Variants in EPM2A observed in about 807,000 individuals in gnomAD.
EPM2A encodes laforin.
In EPM2A, 21 loss-of-function variants were observed where a neutral mutation model predicts 26.5. The observed-to-expected ratio is 0.79, with a 90% CI of 0.56 to 1.14. The LOEUF (loss-of-function observed/expected upper bound fraction) is 1.14. EPM2A is among the 50% of genes most tolerant of loss of function. The probability of loss-of-function intolerance (pLI) is 0.00; values close to 1 mark genes in which losing one functional copy is unlikely to be tolerated. For synonymous variants in EPM2A, 217 were observed against 177.6 expected, an observed-to-expected ratio of 1.22 and a Z score of -1.76; for missense variants, 458 against 440.8, an observed-to-expected ratio of 1.04 and a Z score of -0.35.
At chr6:145,470,824 T>G (rs916895427) in intron 4 of EPM2A, among the ~76,000 whole-genome samples, 3 of 152,180 alleles carry the variant, frequency 2.0e-5, no homozygotes, top group Admixed American at 2.0e-4. Context: ...TTAGCTACAG[T>G]GAATATCAGC....
intron 1 of EPM2A, among the ~76,000 whole-genome samples, chr6:145,695,815 A>C (rs1356452428): frequency 6.6e-6 from 1 of 152,066 alleles, no homozygotes; most frequent in East Asian, 1.9e-4. Flanking sequence ...CTGAACGGAG[A>C]GATAGACTGA....
At chr6:145,679,179 C>G (rs962954208) in intron 2 of EPM2A, among the ~76,000 whole-genome samples, 1 of 144,470 alleles carries the variant, frequency 6.9e-6, no homozygotes, top group East Asian at 2.1e-4. Flanking sequence ...GTGAACTGCA[C>G]GTTCACATTC....
intron 2 of EPM2A, among the ~76,000 whole-genome samples, chr6:145,685,287 C>T (rs1460888532): frequency 6.6e-6 from 1 of 152,068 alleles, no homozygotes; most frequent in Non-Finnish European, 1.5e-5. Context: ...AAAATCTCTA[C>T]TCTTACAATG....
At chr6:145,524,660 C>T (rs1377315818) in intron 2 of EPM2A, among the ~76,000 whole-genome samples, 1 of 151,766 alleles carries the variant, frequency 6.6e-6, no homozygotes, top group African/African-American at 2.4e-5. Context: ...TATAGATTCT[C>T]GAAATGAGAT....
At chr6:145,653,711 G>A (rs1778056075) in intron 2 of EPM2A, among the ~76,000 whole-genome samples, 1 of 152,184 alleles carries the variant, frequency 6.6e-6, no homozygotes, top group Non-Finnish European at 1.5e-5. Flanking sequence ...AAGTCCAAAG[G>A]CAGTCTGCTG....
chr6:145,718,505 C>T (rs1342475626), intron 1 of EPM2A, among the ~76,000 whole-genome samples: 3 of 152,010 alleles, frequency 2.0e-5, no homozygotes, highest in Admixed American at 6.6e-5. Flanking sequence ...AGACCTAAAA[C>T]CATAAAAACC....
intron 2 of EPM2A, among the ~76,000 whole-genome samples, chr6:145,574,969 C>G (rs1781010565): frequency 6.6e-6 from 1 of 152,096 alleles, no homozygotes; most frequent in African/African-American, 2.4e-5. Flanking sequence ...TGTAGTGCAC[C>G]TCCTCATGGG....
At chr6:145,519,968 T>A (rs1396000300) in intron 2 of EPM2A, among the ~76,000 whole-genome samples, 2 of 152,070 alleles carry the variant, frequency 1.3e-5, no homozygotes, top group Non-Finnish European at 2.9e-5. Flanking sequence ...AATACAAAAT[T>A]TTTTTGCCTC....
intron 4 of EPM2A, among the ~76,000 whole-genome samples, chr6:145,455,390 C>A (rs1779250447): frequency 1.3e-5 from 2 of 152,154 alleles, no homozygotes; most frequent in Non-Finnish European, 2.9e-5. Flanking sequence ...CCGAGTCTCA[C>A]TCTGTTGCCC....
intron 2 of EPM2A, among the ~76,000 whole-genome samples, chr6:145,656,371 A>C (rs1163412883): frequency 6.6e-6 from 1 of 152,108 alleles, no homozygotes; most frequent in Non-Finnish European, 1.5e-5. Flanking sequence ...TAAGTGAGAG[A>C]CCTCCAGCAG....
intron 1 of EPM2A, among the ~76,000 whole-genome samples, chr6:145,732,344 A>G (rs2328705): frequency 3.2e-4 from 48 of 151,914 alleles, no homozygotes; most frequent in African/African-American, 1.1e-3. Context: ...TGAACTTTCT[A>G]TGTAACAGAA....
chr6:145,543,802 C>G (rs942922584), intron 2 of EPM2A, among the ~76,000 whole-genome samples: 1 of 152,054 alleles, frequency 6.6e-6, no homozygotes, highest in Non-Finnish European at 1.5e-5. Context: ...GGGCCATTTT[C>G]CCCCTAGATT....
intron 2 of EPM2A, among the ~76,000 whole-genome samples, chr6:145,562,407 G>A (rs1437184139): frequency 2.0e-5 from 3 of 152,028 alleles, no homozygotes; most frequent in Non-Finnish European, 4.4e-5. Context: ...GGTATAGCTG[G>A]GGTGAGACAA....
intron 2 of EPM2A, chr6:145,637,064 A>C (rs565882103): frequency 2.0e-5 from 3 of 152,346 alleles, no homozygotes; most frequent in Non-Finnish European, 2.9e-5. Context: ...ACTCATAAAA[A>C]TCTTGTAAGG....
chr6:145,439,279 C>T (rs1375027310), intron 4 of EPM2A, among the ~76,000 whole-genome samples: 1 of 152,108 alleles, frequency 6.6e-6, no homozygotes, highest in Non-Finnish European at 1.5e-5. Context: ...CATACGTGTG[C>T]ATGTGTCTTT....
At chr6:145,654,763 C>T (rs553281755) in intron 2 of EPM2A, among the ~76,000 whole-genome samples, 1 of 152,258 alleles carries the variant, frequency 6.6e-6, no homozygotes, top group African/African-American at 2.4e-5. Context: ...TACTGAGTTG[C>T]TAATATTAAC....
In EPM2A at chr6:145,465,741, G is replaced by C. The variant is rs951217190; in HGVS notation, c.555+36781C>G. Among the ~76,000 whole-genome samples, 4 of 152,118 alleles carry C rather than the reference G, an allele frequency of 2.6e-5. No homozygotes were observed. The East Asian group carries it at 5.8e-4, about 22-fold the overall frequency. The stretch of plus-strand genomic sequence containing the variant: ...GAGTACCCGGCCGTGTGAGGTGTCA[G>C]TCAAGGCTACAGTAACCAAAACAGC... On this transcript the variant is annotated intron_variant, in intron 4 of 4. Transcript: ENST00000638717.
At chr6:145,590,880 T>C (rs9373466) in intron 2 of EPM2A, among the ~76,000 whole-genome samples, 65,237 of 151,954 alleles carry the variant, frequency 0.43, 14,567 homozygotes, top group African/African-American at 0.52. Context: ...ATAAAAAGTT[T>C]AACCTAGCAT....
intron 1 of EPM2A, among the ~76,000 whole-genome samples, chr6:145,727,234 T>A: frequency 6.6e-6 from 1 of 152,072 alleles, no homozygotes; most frequent in Non-Finnish European, 1.5e-5. Context: ...ACTGGCTATA[T>A]CTTCAACATG....
Sources: gnomAD v4.1 joint callset for allele counts (sites outside exome capture counted in the v4.1 genomes callset) on GRCh38, gnomAD v4.1.1 for gene constraint, MANE v1.5 for transcripts, NCBI Gene and HGNC (gene_info 2026-07-23, HGNC 2026-07-21) for gene names.